Variants in KANSL3 observed in about 807,000 individuals in gnomAD.
The protein encoded by KANSL3 is KAT8 regulatory NSL complex subunit 3.
In KANSL3, 16 loss-of-function variants were observed where a neutral mutation model predicts 89.2. The observed-to-expected ratio is 0.18, with a 90% CI of 0.12 to 0.27. The LOEUF is 0.27. KANSL3 is among the 10% of genes least tolerant of loss of function. The probability of loss-of-function intolerance (pLI) is 1.00; values close to 1 mark genes in which losing one functional copy is unlikely to be tolerated. For missense variants in KANSL3, 879 were observed against 1,110.6 expected, an observed-to-expected ratio of 0.79 and a Z score of 2.96; for synonymous variants, 385 against 419.7, an observed-to-expected ratio of 0.92 and a Z score of 1.01.
Position 96,608,874 on chromosome 2 carries a change from G to A in KANSL3, c.1574C>T (p.Ser525Leu). 6.3e-7 allele frequency: 1 copy of A among 1,581,270 alleles called. No homozygotes were observed. Among genetic ancestry groups the A allele is most frequent in the Non-Finnish European group, 8.6e-7 (1 of 1,163,560 alleles). ...SPAAKLPASPSGSEDLSSVSS... is the reference protein window; with the variant it reads ...SPAAKLPASPLGSEDLSSVSS... ...CCCTGCTCACACTACCTCTGAGCCT[G>A]AGGGTGAGGCGGGCAGCTTGGCAGC... Residue 525 changes from serine to leucine, a missense_variant, in exon 13 of 21, where the codon TCA becomes TTA. Around this residue, in one of 6 missense-constraint regions of KANSL3, gnomAD observed 317 missense variants for 311.2 expected, o/e 1.02. Transcript: ENST00000431828.
chr2:96,636,829 TC>T (rs2074317019), intron 2 of KANSL3, 91 bp downstream of exon 2: 1 of 1,075,952 alleles, frequency 9.3e-7, no homozygotes, highest in African/African-American at 1.6e-5. Flanking sequence ...TCATACAATC[TC>T]CCCCAGTCAA....
chr2:96,598,771 G>C (rs1172594430), intron 20 of KANSL3, among the ~76,000 whole-genome samples: 6 of 152,086 alleles, frequency 3.9e-5, no homozygotes, highest in African/African-American at 9.6e-5. Flanking sequence ...TTAGCTGAGG[G>C]TGGTGGCATG....
chr2:96,590,647 A>G (rs2066265011), downstream of KANSL3, among the ~76,000 whole-genome samples: 1 of 151,612 alleles, frequency 6.6e-6, no homozygotes, highest in South Asian at 2.1e-4. Context: ...ACTCCTGGTT[A>G]TTTACCAGAG....
In KANSL3 at chr2:96,612,737, C is replaced by G. The variant is rs1573438572; in HGVS notation, c.912+81G>C. On this transcript the variant is annotated intron_variant, in intron 7 of 20. Transcript: ENST00000431828. ...CCACATTCAAGTTACCCATTTTGAC[C>G]TCCTCCCACATATTCTTCTCCTCAA... The G allele has an allele frequency of 4.0e-6, 5 of 1,248,894 alleles. No individual in the cohort carries two copies. The South Asian group carries it at 5.1e-5, about 13-fold the overall frequency. The allele number at this position is 1,248,894 out of a possible 1,614,324, so 77.4% of individuals were successfully genotyped here.
the KANSL3 span, among the ~76,000 whole-genome samples, chr2:96,585,816 C>A: frequency 1.3e-5 from 2 of 152,162 alleles, no homozygotes; most frequent in Middle Eastern, 3.4e-3. Context: ...TTTGCACCAA[C>A]CTGGATGGAG....
At chr2:96,601,007 C>T (rs926005988) in intron 20 of KANSL3, 11 of 564,048 alleles carry the variant, frequency 2.0e-5, no homozygotes, top group Non-Finnish European at 2.5e-5. Context: ...AAAGAAAGGG[C>T]CAGGAGCGGT....
intron 15 of KANSL3, 101 bp from the exon 16 acceptor site, chr2:96,604,964 A>G (rs1404715471): frequency 5.2e-6 from 5 of 955,714 alleles, no homozygotes; most frequent in Non-Finnish European, 7.8e-6. Context: ...ACGGACGAAA[A>G]CTGGAAAATG....
At chr2:96,638,247 G>T (rs1010962350) in intron 1 of KANSL3, 36 bp downstream of exon 1, 1 of 152,314 alleles carries the variant, frequency 6.6e-6, no homozygotes, top group Non-Finnish European at 1.5e-5. Context: ...GATCCCCACG[G>T]CCCGCCACTC....
intron 9 of KANSL3, 136 bp from the exon 10 acceptor site, chr2:96,611,274 T>C: frequency 1.4e-6 from 1 of 694,348 alleles, no homozygotes; most frequent in Non-Finnish European, 2.6e-6. Flanking sequence ...GGGTGCATCT[T>C]CTGCCACAAT....
chr2:96,607,011 A>T, intron 14 of KANSL3: 1 of 1,289,834 alleles, frequency 7.8e-7, no homozygotes. Flanking sequence ...AGCTTTCCTC[A>T]CCAGCATATT....
At chr2:96,621,738 AAATT>A (rs1366086693) in intron 3 of KANSL3, among the ~76,000 whole-genome samples, 1 of 152,226 alleles carries the variant, frequency 6.6e-6, no homozygotes, top group Non-Finnish European at 1.5e-5. Flanking sequence ...AGGCTCTAGA[AAATT>A]AATAAGAAAA....
rs890815784 is a variant in KANSL3 at position 96,594,415 on chromosome 2, T to C, written c.*1196A>G. 1 of 152,252 alleles carries C rather than the reference T, an allele frequency of 6.6e-6. No homozygotes were observed. The highest frequency in any genetic ancestry group is 6.5e-5 in the Admixed American group (1 of 15,278). The allele number at this position is 152,252 out of a possible 1,614,324, so 9.4% of individuals were successfully genotyped here. On this transcript the variant is annotated 3_prime_UTR_variant, in exon 21 of 21. Coordinates refer to ENST00000431828, the MANE Select transcript of KANSL3 (RefSeq NM_001115016.3). ...AGCAGGGGATCAGAGCTCCATCTTC[T>C]GTGACCACTTCTCCAGGGACTGCCA...
At chr2:96,632,424 T>C (rs1029711708) in intron 2 of KANSL3, among the ~76,000 whole-genome samples, 3 of 152,196 alleles carry the variant, frequency 2.0e-5, no homozygotes, top group African/African-American at 4.8e-5. Flanking sequence ...ATCATGCCAC[T>C]GCACTCCAGT....
At chr2:96,605,234 T>G in intron 15 of KANSL3, 86 bp downstream of exon 15, 1 of 1,199,050 alleles carries the variant, frequency 8.3e-7, no homozygotes, top group Non-Finnish European at 1.2e-6. Context: ...AAGCAAAGGC[T>G]GACATGCTGG....
intron 5 of KANSL3, among the ~76,000 whole-genome samples, chr2:96,614,179 C>G (rs938144387): frequency 1.3e-5 from 2 of 152,164 alleles, no homozygotes; most frequent in African/African-American, 4.8e-5. Flanking sequence ...GCCACCTCTG[C>G]CTCCCGGGTT....
chr2:96,584,709 T>A, the KANSL3 span, among the ~76,000 whole-genome samples: 1 of 152,194 alleles, frequency 6.6e-6, no homozygotes, highest in East Asian at 1.9e-4. Context: ...AATTTTTTTT[T>A]AACTAGGTAG....
At chr2:96,586,453 A>G in the KANSL3 span, among the ~76,000 whole-genome samples, 8 of 152,268 alleles carry the variant, frequency 5.3e-5, no homozygotes, top group East Asian at 1.3e-3. Flanking sequence ...CTTTAATTAT[A>G]ATGTGTCTAG....
intron 2 of KANSL3, among the ~76,000 whole-genome samples, chr2:96,633,190 G>A (rs921506052): frequency 2.0e-5 from 3 of 151,740 alleles, no homozygotes; most frequent in Non-Finnish European, 4.4e-5. Context: ...CCTGGGAGGC[G>A]GACGTTGCAG....
rs1481207374 is a variant in KANSL3, at chr2:96,609,532, C to T, written c.1350G>A (p.Gly450=). ...ATCTGTCCACCATGCTCTGAGTCAA[C>T]CCTTCTGATTTCTTCTTTGCTTTGC... The part of the protein sequence containing the change: ...RISKAKKKSE[G]LTQSMVDRCI... Residue 450 remains glycine, a synonymous_variant, in exon 12 of 21, where the codon GGG becomes GGA. Transcript: ENST00000431828. 26 of 1,613,798 alleles carry T rather than the reference C, an allele frequency of 1.6e-5. No homozygotes were observed. Among genetic ancestry groups the T allele is most frequent in the Non-Finnish European group, 2.1e-5 (25 of 1,179,834 alleles).
Sources: allele counts gnomAD v4.1 joint callset (sites outside exome capture counted in the v4.1 genomes callset), GRCh38; gene constraint gnomAD v4.1.1; regional missense constraint gnomAD v4.1.1; transcripts MANE v1.5; gene names NCBI Gene and HGNC (gene_info 2026-07-23, HGNC 2026-07-21).